Variants in COL4A6 observed in about 807,000 individuals in gnomAD.
COL4A6 encodes the protein collagen alpha-6(IV) chain.
COL4A6 carries 59 observed loss-of-function variants against 126.7 expected under a neutral mutation model. The observed-to-expected ratio is 0.47, with a 90% CI of 0.38 to 0.58. COL4A6 has a LOEUF of 0.58. COL4A6 is among the 20% of genes least tolerant of loss of function. The pLI, the probability that COL4A6 is intolerant of heterozygous loss-of-function variation, is 0.00. For missense variants in COL4A6, 1,285 were observed against 1,337.3 expected (o/e 0.96, Z 0.61); for synonymous variants, 547 against 496.6 (o/e 1.10, Z -1.35).
chrX:108,365,272 T>C (rs994845916), intron 2 of COL4A6, among the ~76,000 whole-genome samples: 2 of 112,238 alleles, frequency 1.8e-5, no homozygotes, highest in African/African-American at 6.5e-5. Flanking sequence ...AGAGGTTTTG[T>C]CTCAGCTATC....
chrX:108,165,662 A>G (rs1419350149), intron 37 of COL4A6, among the ~76,000 whole-genome samples, 176 bp from the exon 38 acceptor site: 3 of 111,786 alleles, frequency 2.7e-5, no homozygotes, highest in African/African-American at 9.8e-5. Flanking sequence ...CAGAAAGCAG[A>G]CTAACTGACA....
chrX:108,277,247 G>A (rs1462086809), intron 3 of COL4A6, among the ~76,000 whole-genome samples: 1 of 111,938 alleles, frequency 8.9e-6, no homozygotes, highest in Admixed American at 9.4e-5. Context: ...AAAGAAAGGG[G>A]TGACAGACGG....
chrX:108,435,727 AAAAG>A (rs780777823), intron 2 of COL4A6, among the ~76,000 whole-genome samples: 1 of 112,133 alleles, frequency 8.9e-6, no homozygotes, highest in South Asian at 3.7e-4. Context: ...TAAACTCAGG[AAAAG>A]AAAGAGCCCA....
chrX:108,368,904 C>T (rs1454836986), intron 2 of COL4A6, among the ~76,000 whole-genome samples: 1 of 111,339 alleles, frequency 9.0e-6, no homozygotes, highest in African/African-American at 3.3e-5. Context: ...GCTATCACCT[C>T]CTATGATAAC....
intron 35 of COL4A6, among the ~76,000 whole-genome samples, chrX:108,170,225 C>G (rs1432236768): frequency 8.9e-6 from 1 of 112,224 alleles, no homozygotes; most frequent in African/African-American, 3.2e-5. Flanking sequence ...TATCAGAGAC[C>G]AATACAGCTT....
At chrX:108,159,435 G>A in intron 44 of COL4A6, 27 bp downstream of exon 44, 1 of 1,207,749 alleles carries the variant, frequency 8.3e-7, no homozygotes. Flanking sequence ...GCCTCCAACT[G>A]GGGGAGGAGA....
At chrX:108,180,070 G>T (rs983306510) in intron 25 of COL4A6, among the ~76,000 whole-genome samples, 2 of 110,649 alleles carry the variant, frequency 1.8e-5, no homozygotes, top group Non-Finnish European at 3.8e-5. Context: ...GCTCAAGTTG[G>T]AACAAGAGAG....
At position 108,333,568 on chromosome X, in the gene COL4A6, G is replaced by A. The variant is rs183385273; in HGVS notation, c.64-22740C>T. ...CATAGTACTGGAAGTCCTAGCTAGA[G>A]CATTTAAGCAATAGAAGGAAAAAAA... On this transcript the variant is annotated intron_variant, in intron 2 of 44. Coordinates refer to ENST00000334504, the MANE Select transcript of COL4A6 (RefSeq NM_033641.4). Among the ~76,000 whole-genome samples the A allele has an allele frequency of 6.3e-3, 694 of 110,929 alleles. 3 individuals are homozygous for A. The highest frequency in any genetic ancestry group is 0.012 in the Non-Finnish European group (614 of 52,735).
chrX:108,199,321 T>G (rs1333804177), intron 13 of COL4A6, among the ~76,000 whole-genome samples: 1 of 110,871 alleles, frequency 9.0e-6, no homozygotes, highest in Non-Finnish European at 1.9e-5. Context: ...GCCCAGAGTA[T>G]CACAAATACA....
intron 44 of COL4A6, among the ~76,000 whole-genome samples, chrX:108,158,272 G>T (rs1344574233): frequency 8.9e-6 from 1 of 112,865 alleles, no homozygotes; most frequent in African/African-American, 3.2e-5. Context: ...CAAGGGGTAC[G>T]GCCCGTAGAA....
chrX:108,311,611 T>G (rs2038762246), intron 2 of COL4A6, among the ~76,000 whole-genome samples: 1 of 111,756 alleles, frequency 8.9e-6, no homozygotes, highest in African/African-American at 3.3e-5. Flanking sequence ...TCGCTGTTAC[T>G]TTTTTCTGCA....
At position 108,178,705 on chromosome X, in the gene COL4A6, G is replaced by A; in HGVS notation, c.2494C>T (p.Pro832Ser). 8.3e-7 allele frequency: 1 copy of A among 1,211,255 alleles called. No homozygotes were observed. The highest frequency in any genetic ancestry group is 1.8e-5 in the South Asian group (1 of 56,851). ...CTACCTGAGATGCCTGGGAAGCCTGGTGCTCCTGGGAGCCCAGATTTGCCC... is the reference window on the plus strand; with the variant it reads ...CTACCTGAGATGCCTGGGAAGCCTGATGCTCCTGGGAGCCCAGATTTGCCC... ...IKGKSGLPGAPGFPGISGHPG... is the reference protein window; with the variant it reads ...IKGKSGLPGASGFPGISGHPG... Residue 832 changes from proline (P) to serine (S), a missense_variant, in exon 27 of 45, where the codon CCA becomes TCA. Pro to Ser is a moderately conservative substitution (Grantham distance 74). Coordinates refer to ENST00000334504, the MANE Select transcript of COL4A6 (RefSeq NM_033641.4).
At chrX:108,251,024 A>G (rs1008368008) in intron 3 of COL4A6, among the ~76,000 whole-genome samples, 1 of 111,180 alleles carries the variant, frequency 9.0e-6, no homozygotes, top group Non-Finnish European at 1.9e-5. Flanking sequence ...AAACCAAGAA[A>G]TAAGAGCCTT....
rs1409228619 is a variant in COL4A6, at chrX:108,204,300, T to G, written c.780+20A>C. 8 of 1,110,236 alleles carry G rather than the reference T, an allele frequency of 7.2e-6. No individual in the cohort carries two copies. Among genetic ancestry groups the G allele is most frequent in the African/African-American group, 1.8e-5 (1 of 54,095 alleles). The allele number at this position is 1,110,236 out of a possible 1,213,427, so 91.5% of individuals were successfully genotyped here. A position where few individuals can be genotyped will look rare whatever the true frequency, so the allele number is the denominator to read the frequency against. The stretch of plus-strand genomic sequence containing the variant: ...AGGAAAAGTTTTATTAATTTTTTCC[T>G]ATTCTTAAATGTTCACTACCTTGGA... On this transcript the variant is annotated intron_variant, in intron 12 of 44. Coordinates refer to ENST00000334504, the MANE Select transcript of COL4A6 (RefSeq NM_033641.4).
intron 3 of COL4A6, among the ~76,000 whole-genome samples, chrX:108,306,853 A>G (rs1233990514): frequency 9.0e-6 from 1 of 111,362 alleles, no homozygotes; most frequent in Admixed American, 9.6e-5. Context: ...ATGCTTCTTT[A>G]GATGGCATGG....
intron 40 of COL4A6, chrX:108,163,571 G>C (rs990378283): frequency 8.8e-6 from 1 of 113,366 alleles, no homozygotes; most frequent in African/African-American, 3.2e-5. Flanking sequence ...TCTGGGGATA[G>C]AGCAATGAAT....
At chrX:108,399,085 C>T (rs1424553911) in intron 2 of COL4A6, among the ~76,000 whole-genome samples, 1 of 110,826 alleles carries the variant, frequency 9.0e-6, no homozygotes, top group Non-Finnish European at 1.9e-5. Context: ...ATTTTGCTGG[C>T]CATGGTGAAG....
At chrX:108,360,694 G>A in intron 2 of COL4A6, among the ~76,000 whole-genome samples, 1 of 109,695 alleles carries the variant, frequency 9.1e-6, no homozygotes, top group Middle Eastern at 4.2e-3. Context: ...CTGCCACCAT[G>A]CCCAGCTTTT....
At chrX:108,274,044 G>T (rs1271111181) in intron 3 of COL4A6, among the ~76,000 whole-genome samples, 1 of 112,141 alleles carries the variant, frequency 8.9e-6, no homozygotes, top group African/African-American at 3.2e-5. Flanking sequence ...AACAGGAAGT[G>T]TGAACATGTT....
Sources: gnomAD v4.1 joint callset for allele counts (sites outside exome capture counted in the v4.1 genomes callset) on GRCh38, gnomAD v4.1.1 for gene constraint, MANE v1.5 for transcripts, NCBI Gene and HGNC (gene_info 2026-07-23, HGNC 2026-07-21) for gene names.